Variants in DNAH7 observed in about 807,000 individuals in gnomAD.
DNAH7 encodes axonemal beta dynein heavy chain 7.
DNAH7 carries 397 observed loss-of-function variants against 444.6 expected under a neutral mutation model. The observed-to-expected ratio is 0.89, with a 90% CI of 0.82 to 0.97. The LOEUF is 0.97. Among genes scored for constraint, DNAH7 ranks in the 50% least tolerant of loss-of-function variants. DNAH7 has a pLI of 0.00. For missense variants in DNAH7, 4,902 were observed against 4,800.8 expected (o/e 1.02, Z -0.62); for synonymous variants, 1,636 against 1,624.4 (o/e 1.01, Z -0.17).
chr2:195,985,651 G>A (rs1692857343), intron 14 of DNAH7, among the ~76,000 whole-genome samples: 2 of 152,150 alleles, frequency 1.3e-5, no homozygotes, highest in African/African-American at 4.8e-5. Context: ...TAGGGAGTCT[G>A]GTGAGAGGCA....
chr2:195,874,585 A>AT (rs1463653853), intron 38 of DNAH7, among the ~76,000 whole-genome samples: 1 of 148,702 alleles, frequency 6.7e-6, no homozygotes, highest in Non-Finnish European at 1.5e-5. Flanking sequence ...CCCAGGAGCA[A>AT]TATGGTCTTT....
chr2:195,864,095 G>C, intron 41 of DNAH7, 54 bp downstream of exon 41: 1 of 1,559,766 alleles, frequency 6.4e-7, no homozygotes, highest in East Asian at 2.3e-5. Context: ...AAGTCATGAT[G>C]ATAGTGGAAA....
chr2:195,882,986 T>TAC (rs368589029), intron 35 of DNAH7, among the ~76,000 whole-genome samples: 3 of 152,352 alleles, frequency 2.0e-5, no homozygotes, highest in African/African-American at 7.2e-5. Flanking sequence ...AGGCTGTGCG[T>TAC]ACAGCAGAGA....
At chr2:195,795,365 G>A (rs1440169249) in intron 56 of DNAH7, among the ~76,000 whole-genome samples, 2 of 152,186 alleles carry the variant, frequency 1.3e-5, no homozygotes, top group Non-Finnish European at 2.9e-5. Context: ...CCGGGTGACA[G>A]ATTGAGACTT....
intron 15 of DNAH7, among the ~76,000 whole-genome samples, chr2:195,983,594 C>G (rs943722344): frequency 1.3e-5 from 2 of 152,166 alleles, no homozygotes; most frequent in African/African-American, 4.8e-5. Context: ...CCACCAAAAA[C>G]CTCCTACTAG....
At chr2:195,738,284 CATTTT>C (rs956870075) in intron 64 of DNAH7, among the ~76,000 whole-genome samples, 157 bp from the exon 65 acceptor site, 7 of 152,144 alleles carry the variant, frequency 4.6e-5, no homozygotes, top group African/African-American at 1.7e-4. Context: ...TTGCTCAAAA[CATTTT>C]ATAGAACTCT....
At chr2:195,949,812 G>A (rs1464212640) in intron 19 of DNAH7, among the ~76,000 whole-genome samples, 1 of 152,146 alleles carries the variant, frequency 6.6e-6, no homozygotes, top group Non-Finnish European at 1.5e-5. Context: ...TTAGCATAAT[G>A]TGATGTTGAA....
At chr2:195,962,439 T>C (rs1691174734) in intron 17 of DNAH7, among the ~76,000 whole-genome samples, 1 of 152,066 alleles carries the variant, frequency 6.6e-6, no homozygotes, top group African/African-American at 2.4e-5. Flanking sequence ...AGCCTCGACT[T>C]CCTGGGCTCA....
intron 44 of DNAH7, among the ~76,000 whole-genome samples, chr2:195,856,579 T>C (rs1559150206): frequency 6.6e-6 from 1 of 152,222 alleles, no homozygotes; most frequent in Admixed American, 6.5e-5. Context: ...ATGATTAAAA[T>C]TGGATATGAG....
intron 36 of DNAH7, among the ~76,000 whole-genome samples, chr2:195,877,810 A>G (rs1017985212): frequency 5.3e-5 from 8 of 152,212 alleles, no homozygotes; most frequent in Non-Finnish European, 1.2e-4. Flanking sequence ...TTTTAAATTT[A>G]AAATTATTTT....
At chr2:196,027,040 G>C (rs1695733608) in intron 6 of DNAH7, 100 bp from the exon 7 acceptor site, 1 of 845,590 alleles carries the variant, frequency 1.2e-6, no homozygotes, top group African/African-American at 1.7e-5. Context: ...GGAGAACAAA[G>C]TATTTATAAA....
intron 62 of DNAH7, among the ~76,000 whole-genome samples, chr2:195,755,691 A>C (rs922609441): frequency 6.6e-6 from 1 of 152,212 alleles, no homozygotes; most frequent in African/African-American, 2.4e-5. Context: ...TTAAGCACCA[A>C]TATTACCAGA....
At chr2:195,743,879 C>T (rs911638858) in intron 63 of DNAH7, among the ~76,000 whole-genome samples, 1 of 152,156 alleles carries the variant, frequency 6.6e-6, no homozygotes, top group African/African-American at 2.4e-5. Context: ...GCACCGGACA[C>T]CTTTCAAGAT....
intron 24 of DNAH7, among the ~76,000 whole-genome samples, chr2:195,918,371 T>C (rs889352204): frequency 1.3e-5 from 2 of 152,234 alleles, no homozygotes; most frequent in African/African-American, 4.8e-5. Context: ...TAGCAGTTTC[T>C]CACAAAGCTA....
At chr2:195,792,024 A>T (rs915676519) in intron 57 of DNAH7, among the ~76,000 whole-genome samples, 3 of 151,886 alleles carry the variant, frequency 2.0e-5, no homozygotes, top group African/African-American at 7.3e-5. Flanking sequence ...AAAATTAGCC[A>T]GGTGTGGTGG....
At chr2:195,738,851 G>GTTCA (rs1410313170) in intron 64 of DNAH7, among the ~76,000 whole-genome samples, 3 of 152,176 alleles carry the variant, frequency 2.0e-5, no homozygotes, top group African/African-American at 7.2e-5. Context: ...CAGCCCCAAT[G>GTTCA]TTCAGACCCC....
At chr2:195,991,096 A>T (rs1693310219) in intron 12 of DNAH7, among the ~76,000 whole-genome samples, 1 of 151,458 alleles carries the variant, frequency 6.6e-6, no homozygotes, top group Admixed American at 6.6e-5. Context: ...ACCCTGTAAC[A>T]AATCTATTTA....
intron 56 of DNAH7, 111 bp downstream of exon 56, chr2:195,796,465 A>T (rs1696145749): frequency 7.9e-7 from 1 of 1,268,390 alleles, no homozygotes; most frequent in Non-Finnish European, 1.1e-6. Flanking sequence ...CAGCCAAAGC[A>T]CTAACCTGCA....
At chr2:196,002,563 A>G (rs1694105059) in intron 10 of DNAH7, among the ~76,000 whole-genome samples, 1 of 152,224 alleles carries the variant, frequency 6.6e-6, no homozygotes, top group Admixed American at 6.5e-5. Context: ...ATAAGAGATA[A>G]TGAATTTTTT....
Sources: allele counts gnomAD v4.1 joint callset (sites outside exome capture counted in the v4.1 genomes callset), GRCh38; gene constraint gnomAD v4.1.1; transcripts MANE v1.5; gene names NCBI Gene and HGNC (gene_info 2026-07-23, HGNC 2026-07-21).